The following RYR2 variants were observed in gnomAD, a reference collection of about 807,000 sequenced individuals.
RYR2 encodes the protein cardiac muscle ryanodine receptor-calcium release channel.
In RYR2, 227 loss-of-function variants were observed where a neutral mutation model predicts 601.1. The ratio of observed to expected loss-of-function variants is 0.38; its 90% CI spans 0.34 to 0.42. RYR2 has a LOEUF of 0.42. RYR2 is among the 10% of genes least tolerant of loss of function. RYR2 has a pLI of 1.00. For synonymous variants in RYR2, 2,223 were observed against 2,175.1 expected (o/e 1.02, Z -0.61); for missense variants, 4,646 against 6,156.5 (o/e 0.75, Z 8.21).
At chr1:237,827,936 CAAAAAAAAAAAAAAA>C (rs58421624) in intron 101 of RYR2, among the ~76,000 whole-genome samples, 12 of 69,314 alleles carry the variant, frequency 1.7e-4, no homozygotes, top group East Asian at 6.9e-4. Context: ...GACTCCGTCT[CAAAAAAAAAAAAAAA>C]AAAAAAAAAA....
intron 12 of RYR2, among the ~76,000 whole-genome samples, chr1:237,434,165 T>C (rs979854953): frequency 2.6e-5 from 4 of 152,200 alleles, no homozygotes; most frequent in African/African-American, 9.6e-5. Context: ...TGGAAGATTT[T>C]ATAAATCATT....
At position 237,481,226 on chromosome 1, in the gene RYR2, CT is replaced by C. The variant is rs568220492; in HGVS notation, c.1709-10579del. On this transcript the variant is annotated intron_variant, in intron 17 of 104. Transcript: ENST00000366574. ...TGTATTTATTTCATGAGTTAACCCC[CT>C]GTTAACAGGAAGCAAAATGTGCACT... Among the ~76,000 whole-genome samples the C allele has an allele frequency of 4.0e-5, 6 of 151,826 alleles. No homozygotes were observed. In the South Asian group the frequency reaches 1.0e-3, roughly 26 times the overall value.
chr1:237,419,663 T>G lies in RYR2; in HGVS notation c.848+2540T>G, dbSNP rs187296083. On this transcript the variant is annotated intron_variant, in intron 11 of 104. Coordinates refer to ENST00000366574, the MANE Select transcript of RYR2 (RefSeq NM_001035.3). ...AGCAGCTTAAAGAGAGATGTTTTGT[T>G]CTTCTCTCTGACCCTTGATTAAATT... Among the ~76,000 whole-genome samples, 5 of 152,262 alleles carry G rather than the reference T, an allele frequency of 3.3e-5. No individual in the cohort carries two copies. The East Asian group carries it at 9.7e-4, about 29-fold the overall frequency.
Position 237,832,371 on chromosome 1 carries a change from A to G in RYR2, c.14809-181A>G, listed in dbSNP as rs12025731. Among the ~76,000 whole-genome samples the G allele has an allele frequency of 0.57, 86,553 of 151,940 alleles. 25,454 individuals are homozygous for G. Among genetic ancestry groups the G allele is most frequent in the African/African-American group, 0.72 (29,664 of 41,456 alleles). On this transcript the variant is annotated intron_variant, in intron 104 of 104. Transcript: ENST00000366574. ...CCAGCCAACATATTTTTATCATTAT[A>G]ATGGTCAGGATGAAGATTATTATGA...
chr1:237,386,761 G>A (rs1323659783), intron 8 of RYR2, among the ~76,000 whole-genome samples: 1 of 152,164 alleles, frequency 6.6e-6, no homozygotes, highest in East Asian at 1.9e-4. Context: ...TTAGATAGCT[G>A]TTAGGAAATA....
Position 237,261,324 on chromosome 1 carries a change from C to T in RYR2, c.49-9173C>T, listed in dbSNP as rs529933701. Reference sequence around the variant, plus strand: ...CATTTAGTACATGACCCAGTGGCTGCCCATTTCCCCCAGTAAAATCCAAAG... The same window carrying T: ...CATTTAGTACATGACCCAGTGGCTGTCCATTTCCCCCAGTAAAATCCAAAG... On this transcript the variant is annotated intron_variant, in intron 1 of 104. Transcript: ENST00000366574. Among the ~76,000 whole-genome samples the T allele has an allele frequency of 2.0e-5, 3 of 152,298 alleles. No individual in the cohort carries two copies. In the South Asian group the frequency reaches 6.2e-4, roughly 32 times the overall value.
chr1:237,667,612 A>G (rs1684439813), intron 57 of RYR2, among the ~76,000 whole-genome samples: 1 of 152,210 alleles, frequency 6.6e-6, no homozygotes, highest in African/African-American at 2.4e-5. Flanking sequence ...TGAAGTCCAT[A>G]GCTATTTTGG....
intron 1 of RYR2, among the ~76,000 whole-genome samples, chr1:237,151,909 T>C (rs550533242): frequency 1.3e-5 from 2 of 152,292 alleles, no homozygotes; most frequent in Admixed American, 1.3e-4. Context: ...GTTACGTAGA[T>C]AAACATGTGC....
At chr1:237,209,231 T>C (rs1232492306) in intron 1 of RYR2, among the ~76,000 whole-genome samples, 3 of 151,264 alleles carry the variant, frequency 2.0e-5, no homozygotes, top group Admixed American at 6.6e-5. Context: ...GTGCTAATGA[T>C]ATATAAAGTT....
chr1:237,306,213 T>G (rs973358189), intron 2 of RYR2, among the ~76,000 whole-genome samples: 2 of 152,210 alleles, frequency 1.3e-5, no homozygotes, highest in African/African-American at 2.4e-5. Context: ...ATTTTCTATC[T>G]GTTTACCATC....
At position 237,709,580 on chromosome 1, in the gene RYR2, A is replaced by T. The variant is rs748505980; in HGVS notation, c.10230+13A>T. On this transcript the variant is annotated intron_variant, in intron 70 of 104. Transcript: ENST00000366574. The stretch of plus-strand genomic sequence containing the variant: ...GTCGAAGTCCCATGTGAGTGTGAAA[A>T]TATTGATAGATCACGCCTACTGTTT... 1 of 1,551,740 alleles carries T rather than the reference A, an allele frequency of 6.4e-7. No homozygotes were observed. Among genetic ancestry groups the T allele is most frequent in the South Asian group, 1.1e-5 (1 of 86,976 alleles).
At chr1:237,194,837 T>C (rs964247214) in intron 1 of RYR2, among the ~76,000 whole-genome samples, 1 of 152,204 alleles carries the variant, frequency 6.6e-6, no homozygotes, top group African/African-American at 2.4e-5. Flanking sequence ...CCTTGGCATC[T>C]AGAAAGGTGG....
At chr1:237,625,981 T>C (rs1460140607) in intron 40 of RYR2, among the ~76,000 whole-genome samples, 177 bp downstream of exon 40, 1 of 152,208 alleles carries the variant, frequency 6.6e-6, no homozygotes, top group African/African-American at 2.4e-5. Flanking sequence ...TCAGTCTATG[T>C]GTATAGCAAC....
At chr1:237,788,200 T>C in intron 92 of RYR2, 65 bp downstream of exon 92, 4 of 1,351,952 alleles carry the variant, frequency 3.0e-6, no homozygotes, top group Non-Finnish European at 4.1e-6. Context: ...TTAGGCTCAG[T>C]AAATGTTTGC....
chr1:237,229,424 G>A (rs889931843), intron 1 of RYR2, among the ~76,000 whole-genome samples: 3 of 152,170 alleles, frequency 2.0e-5, no homozygotes, highest in Non-Finnish European at 2.9e-5. Flanking sequence ...GTGCCCAAAG[G>A]CTGGTTTCCT....
At chr1:237,427,003 A>T (rs1182819184) in intron 12 of RYR2, among the ~76,000 whole-genome samples, 1 of 152,188 alleles carries the variant, frequency 6.6e-6, no homozygotes, top group East Asian at 1.9e-4. Flanking sequence ...AACATCAAAG[A>T]TCTTCTTAAG....
At chr1:237,739,038 A>T (rs543170441) in intron 79 of RYR2, among the ~76,000 whole-genome samples, 1 of 152,190 alleles carries the variant, frequency 6.6e-6, no homozygotes, top group African/African-American at 2.4e-5. Context: ...TGGAGTCATG[A>T]TTTTCATTTC....
intron 80 of RYR2, among the ~76,000 whole-genome samples, chr1:237,746,546 T>C (rs1692095535): frequency 6.6e-6 from 1 of 152,148 alleles, no homozygotes; most frequent in African/African-American, 2.4e-5. Flanking sequence ...TATATATATA[T>C]GTATTGTTCA....
rs531318678 is a variant in RYR2, at chr1:237,685,027, A to G, written c.9018-2428A>G. ...GCCAAGTACTGTTGACAGAACTCCA[A>G]AAAAGAAAAGGTTATTATCTTTGCT... On this transcript the variant is annotated intron_variant, in intron 62 of 104. Coordinates refer to ENST00000366574, the MANE Select transcript of RYR2 (RefSeq NM_001035.3). Among the ~76,000 whole-genome samples, 10 of 152,220 alleles carry G rather than the reference A, an allele frequency of 6.6e-5. No individual in the cohort carries two copies. In the East Asian group the frequency reaches 1.9e-3, roughly 29 times the overall value.
Sources: allele counts gnomAD v4.1 joint callset (sites outside exome capture counted in the v4.1 genomes callset), GRCh38; gene constraint gnomAD v4.1.1; transcripts MANE v1.5; gene names NCBI Gene and HGNC (gene_info 2026-07-23, HGNC 2026-07-21).